The following FAM13A variants were observed in gnomAD, a reference collection of about 807,000 sequenced individuals.
FAM13A encodes the protein family with sequence similarity 13 member A.
In FAM13A, 76 loss-of-function variants were observed where a neutral mutation model predicts 129.6. The ratio of observed to expected loss-of-function variants is 0.59; its 90% CI spans 0.49 to 0.71. The LOEUF (loss-of-function observed/expected upper bound fraction) is 0.71. FAM13A is among the 30% of genes least tolerant of loss of function. The probability of loss-of-function intolerance (pLI) is 0.00; values close to 1 mark genes in which losing one functional copy is unlikely to be tolerated. For missense variants in FAM13A, 1,108 were observed against 1,249.3 expected (o/e 0.89, Z 1.70); for synonymous variants, 443 against 449.9 (o/e 0.98, Z 0.20).
intron 6 of FAM13A, among the ~76,000 whole-genome samples, chr4:88,897,429 G>A (rs546513989): frequency 4.6e-5 from 7 of 152,292 alleles, no homozygotes; most frequent in African/African-American, 1.7e-4. Context: ...CTAAGGAAAA[G>A]AAATATAACA....
intron 5 of FAM13A, among the ~76,000 whole-genome samples, chr4:88,922,503 C>T (rs1382629004): frequency 1.5e-4 from 22 of 151,612 alleles, no homozygotes; most frequent in South Asian, 1.0e-3. Flanking sequence ...TTGAAACCAA[C>T]GAGAACAAAG....
chr4:89,009,774 C>T (rs1356628069), intron 3 of FAM13A, among the ~76,000 whole-genome samples: 5 of 152,194 alleles, frequency 3.3e-5, no homozygotes, highest in Non-Finnish European at 7.3e-5. Context: ...GGTTGACAAA[C>T]CAGTCCAGGG....
intron 5 of FAM13A, among the ~76,000 whole-genome samples, chr4:88,910,547 A>T (rs146246694): frequency 0.017 from 2,611 of 152,036 alleles, 41 homozygotes; most frequent in South Asian, 0.057. Context: ...AGGGATATTA[A>T]TCACTACCTC....
At chr4:88,993,905 C>T (rs1488652299) in intron 3 of FAM13A, among the ~76,000 whole-genome samples, 3 of 151,686 alleles carry the variant, frequency 2.0e-5, no homozygotes, top group Admixed American at 6.6e-5. Flanking sequence ...GCAGGAGAAT[C>T]GCTTGAACCT....
intron 6 of FAM13A, among the ~76,000 whole-genome samples, chr4:88,865,847 C>T (rs1472637623): frequency 7.4e-6 from 1 of 135,380 alleles, no homozygotes; most frequent in African/African-American, 2.7e-5. Context: ...TAACATCATT[C>T]ATTTCTTTCA....
At position 88,749,005 on chromosome 4, in the gene FAM13A, G is replaced by A. The variant is rs889629965; in HGVS notation, c.2108C>T (p.Pro703Leu). The A allele has an allele frequency of 3.7e-6, 6 of 1,613,722 alleles. No homozygotes were observed. The highest frequency in any genetic ancestry group is 1.6e-4 in the Middle Eastern group (1 of 6,062). The change falls in exon 17 of 24, where the codon CCG becomes CTG. Residue 703 changes from proline to leucine, a missense_variant. Coordinates refer to ENST00000264344, the MANE Select transcript of FAM13A (RefSeq NM_014883.4). The stretch of plus-strand genomic sequence containing the variant: ...GTCATTTGTCCATTTCAGAACCTCC[G>A]GATTGGCTGCTTTGTCACTGTGGGA... ...RPSHSDKAAN[P>L]EVLKWTNDLA...
intron 5 of FAM13A, among the ~76,000 whole-genome samples, chr4:88,920,640 G>C (rs1750900353): frequency 1.3e-5 from 2 of 152,214 alleles, no homozygotes; most frequent in Non-Finnish European, 2.9e-5. Flanking sequence ...AAAAAGCAGA[G>C]TGCCTCTCCT....
At chr4:88,968,945 G>A (rs1001238787) in intron 4 of FAM13A, among the ~76,000 whole-genome samples, 12 of 152,112 alleles carry the variant, frequency 7.9e-5, no homozygotes, top group Admixed American at 6.5e-5. Context: ...AACTAAGGGG[G>A]TATGAAATAT....
intron 5 of FAM13A, among the ~76,000 whole-genome samples, chr4:88,908,773 T>C (rs1748564937): frequency 6.6e-6 from 1 of 152,172 alleles, no homozygotes; most frequent in Non-Finnish European, 1.5e-5. Context: ...GTAGTATTTA[T>C]TGATGAAAAG....
chr4:89,002,826 C>T (rs959797527), intron 3 of FAM13A, among the ~76,000 whole-genome samples: 1 of 151,628 alleles, frequency 6.6e-6, no homozygotes, highest in Non-Finnish European at 1.5e-5. Flanking sequence ...AAAAGTAAGA[C>T]GAGAATGTTC....
intron 6 of FAM13A, among the ~76,000 whole-genome samples, chr4:88,885,513 T>G (rs193242611): frequency 6.6e-6 from 1 of 152,318 alleles, no homozygotes; most frequent in East Asian, 1.9e-4. Context: ...CAATTCAAGA[T>G]GGATCAAAAA....
chr4:88,872,056 G>T (rs1311298865), intron 6 of FAM13A, among the ~76,000 whole-genome samples: 1 of 152,164 alleles, frequency 6.6e-6, no homozygotes, highest in African/African-American at 2.4e-5. Context: ...AGCTTCACAA[G>T]TGAAAGAGAA....
intron 4 of FAM13A, chr4:88,990,344 A>G (rs1002821621): frequency 6.6e-6 from 1 of 152,206 alleles, no homozygotes; most frequent in African/African-American, 2.4e-5. Context: ...TCTTAACTAG[A>G]AGAATGTATT....
chr4:88,942,712 T>C (rs1305942548), intron 4 of FAM13A, among the ~76,000 whole-genome samples: 1 of 152,158 alleles, frequency 6.6e-6, no homozygotes, highest in African/African-American at 2.4e-5. Flanking sequence ...ACCTGACTCC[T>C]ACTGCTCCCT....
chr4:88,855,313 G>A (rs1449129569), intron 6 of FAM13A: 1 of 151,588 alleles, frequency 6.6e-6, no homozygotes, highest in Non-Finnish European at 1.5e-5. Context: ...CATAGCCTTA[G>A]GAAAAAAATC....
chr4:88,987,677 C>A (rs973784913), intron 4 of FAM13A, among the ~76,000 whole-genome samples: 1 of 151,560 alleles, frequency 6.6e-6, no homozygotes, highest in African/African-American at 2.4e-5. Flanking sequence ...CCCGCCTCTA[C>A]TAAAAATACA....
chr4:88,868,637 C>T lies in FAM13A; in HGVS notation c.844-17454G>A, dbSNP rs138275303. Among the ~76,000 whole-genome samples the T allele has an allele frequency of 8.5e-3, 1,299 of 152,290 alleles. 5 individuals are homozygous for T. Among genetic ancestry groups the T allele is most frequent in the Middle Eastern group, 0.031 (9 of 294 alleles). On this transcript the variant is annotated intron_variant, in intron 6 of 23. Transcript: ENST00000264344. ...TGGCCCCAGACTATTTCCGCAGGTT[C>T]ATTGCCTGCTGTTTTCCTAGACACA...
At chr4:88,968,874 G>C (rs1759704080) in intron 4 of FAM13A, among the ~76,000 whole-genome samples, 1 of 152,032 alleles carries the variant, frequency 6.6e-6, no homozygotes, top group Non-Finnish European at 1.5e-5. Flanking sequence ...AACGCTGTTA[G>C]GGATTTTGGG....
chr4:88,739,176 C>G, intron 19 of FAM13A, 51 bp from the exon 20 acceptor site: 1 of 1,267,102 alleles, frequency 7.9e-7, no homozygotes, highest in South Asian at 1.2e-5. Flanking sequence ...GGAGTCACAA[C>G]CAGCTGTCTA....
Sources: gnomAD v4.1 joint callset for allele counts (sites outside exome capture counted in the v4.1 genomes callset) on GRCh38, gnomAD v4.1.1 for gene constraint, MANE v1.5 for transcripts, NCBI Gene and HGNC (gene_info 2026-07-23, HGNC 2026-07-21) for gene names.